Variants in DEDD2 observed in about 807,000 individuals in gnomAD.
The protein encoded by DEDD2 is DNA-binding death effector domain-containing protein 2.
Under a neutral mutation model 28.9 loss-of-function variants are expected in DEDD2, and 18 were observed. That is an observed-to-expected ratio of 0.62 (90% CI 0.43 to 0.92). DEDD2 has a LOEUF of 0.92. Among genes scored for constraint, DEDD2 ranks in the 40% least tolerant of loss-of-function variants. The pLI, the probability that DEDD2 is intolerant of heterozygous loss-of-function variation, is 0.00. For missense variants in DEDD2, 411 were observed against 463.3 expected, an observed-to-expected ratio of 0.89 and a Z score of 1.04; for synonymous variants, 211 against 206.1, an observed-to-expected ratio of 1.02 and a Z score of -0.20.
At chr19:42,212,623 C>A (rs1318982294) in intron 3 of DEDD2, among the ~76,000 whole-genome samples, 1 of 151,974 alleles carries the variant, frequency 6.6e-6, no homozygotes, top group East Asian at 2.0e-4. Context: ...CATCACCATG[C>A]CAGGCTAATT....
At chr19:42,200,451 C>A (rs2035286312) in intron 4 of DEDD2, among the ~76,000 whole-genome samples, 2 of 152,260 alleles carry the variant, frequency 1.3e-5, no homozygotes, top group Non-Finnish European at 2.9e-5. Context: ...ACCCTGCCCC[C>A]AAACAATGAG....
At chr19:42,219,580 C>T (rs980488389), upstream of DEDD2, among the ~76,000 whole-genome samples, 1 of 152,174 alleles carries the variant, frequency 6.6e-6, no homozygotes, top group Non-Finnish European at 1.5e-5. Flanking sequence ...CCAGTCTGGG[C>T]GACAGAGTGA....
chr19:42,210,124 G>A (rs1280573474), intron 3 of DEDD2, among the ~76,000 whole-genome samples: 2 of 152,052 alleles, frequency 1.3e-5, no homozygotes, highest in South Asian at 2.1e-4. Flanking sequence ...CACGACAACC[G>A]CCACCAGGGC....
intron 4 of DEDD2, among the ~76,000 whole-genome samples, chr19:42,207,338 G>A (rs570663021): frequency 1.3e-5 from 2 of 152,290 alleles, no homozygotes; most frequent in African/African-American, 2.4e-5. Flanking sequence ...TTGTGGGCTG[G>A]AGAAAGCTCT....
intron 2 of DEDD2, among the ~76,000 whole-genome samples, chr19:42,215,907 T>C (rs1019407974): frequency 6.6e-6 from 1 of 152,212 alleles, no homozygotes; most frequent in Non-Finnish European, 1.5e-5. Context: ...TAGGTTTGAA[T>C]CCTGGCTCCC....
chr19:42,213,589 A>G (rs1329706131), intron 3 of DEDD2, among the ~76,000 whole-genome samples: 1 of 152,238 alleles, frequency 6.6e-6, no homozygotes, highest in Admixed American at 6.5e-5. Flanking sequence ...CTAAAGATGT[A>G]TAAACTGAAT....
chr19:42,216,824 C>G lies in DEDD2; in HGVS notation c.184G>C (p.Ala62Pro). Residue 62 changes from alanine (A) to proline (P), a missense_variant, in exon 2 of 5, where the codon GCC becomes CCC. By Grantham distance (27) the Ala-to-Pro change is conservative. Around this residue, in one of 2 missense-constraint regions of DEDD2, gnomAD observed 282 missense variants for 273.4 expected, o/e 1.03. Transcript: ENST00000596251. ...AGCAGGAGCTCTAGGCCGCTGCGGG[C>G]CCGGGCTAAGCCTCCGGCGGCGCCA... ...APGAAGGLAR[A>P]RSGLELLLEL... is the part of the protein sequence containing the mutation. The G allele has an allele frequency of 6.9e-6, 11 of 1,583,710 alleles. No individual in the cohort carries two copies. Among genetic ancestry groups the G allele is most frequent in the Non-Finnish European group, 9.4e-6 (11 of 1,165,352 alleles).
Position 42,199,496 on chromosome 19 carries a change from C to CG in DEDD2, c.922dup (p.Arg308ProfsTer27). On this transcript the variant is annotated frameshift_variant, in exon 5 of 5. Transcript: ENST00000596251. LOFTEE classifies it high-confidence loss of function. The surrounding 1 kb of genome is among the most constrained non-coding windows in gnomAD (Gnocchi z 7.4). ...CTCCTCCATCAGCAACAGGCGGCGC[C>CG]GGCCAGCCTCATAGTCAGCCTCATC... The CG allele has an allele frequency of 6.2e-7, 1 of 1,613,246 alleles. No homozygotes were observed. The highest frequency in any genetic ancestry group is 8.5e-7 in the Non-Finnish European group (1 of 1,179,712).
At chr19:42,200,791 C>T (rs781313924) in intron 4 of DEDD2, among the ~76,000 whole-genome samples, 97 of 152,286 alleles carry the variant, frequency 6.4e-4, no homozygotes, top group South Asian at 2.5e-3. Flanking sequence ...CAGTTTGAGT[C>T]GGTTTCTGTC....
intron 4 of DEDD2, among the ~76,000 whole-genome samples, chr19:42,206,836 T>G (rs2035553271): frequency 6.6e-6 from 1 of 152,166 alleles, no homozygotes; most frequent in African/African-American, 2.4e-5. Context: ...TCCTTCCACC[T>G]CTGGCATTCG....
chr19:42,201,529 G>A (rs557930438), intron 4 of DEDD2, among the ~76,000 whole-genome samples: 1 of 152,362 alleles, frequency 6.6e-6, no homozygotes, highest in East Asian at 1.9e-4. Context: ...GTGGGGCAGA[G>A]GCCACCTTCA....
chr19:42,202,102 C>G (rs1444920619), intron 4 of DEDD2: 2 of 398,584 alleles, frequency 5.0e-6, no homozygotes, highest in Non-Finnish European at 8.8e-6. Context: ...GAGGTCCCTG[C>G]TGCACATTGA....
chr19:42,209,245 A>C (rs555355478), intron 4 of DEDD2, among the ~76,000 whole-genome samples: 1 of 152,192 alleles, frequency 6.6e-6, no homozygotes, highest in South Asian at 2.1e-4. Context: ...CGTCTCAAAA[A>C]AAAAAGAAAA....
upstream of DEDD2, among the ~76,000 whole-genome samples, chr19:42,217,995 C>G (rs144558351): frequency 6.6e-6 from 1 of 152,212 alleles, no homozygotes; most frequent in Non-Finnish European, 1.5e-5. Flanking sequence ...GTTGTAACTA[C>G]TCATCTCATA....
intron 4 of DEDD2, among the ~76,000 whole-genome samples, chr19:42,207,308 A>G (rs1306230294): frequency 6.6e-6 from 1 of 152,158 alleles, no homozygotes; most frequent in Non-Finnish European, 1.5e-5. Flanking sequence ...GGGCACTAGG[A>G]GGGGGCAGGT....
rs901943593 is a variant in DEDD2 at position 42,217,043 on chromosome 19, G to A, written c.-36C>T. The stretch of plus-strand genomic sequence containing the variant: ...GGGAGGCGGAACAAGCTCAGAACCC[G>A]GCCTAGAACCCACACAGCGGGGAGG... On this transcript the variant is annotated splice_region_variant and 5_prime_UTR_variant, in exon 2 of 5. Coordinates refer to ENST00000596251, the MANE Select transcript of DEDD2 (RefSeq NM_133328.4). 9 of 1,550,752 alleles carry A rather than the reference G, an allele frequency of 5.8e-6. No homozygotes were observed. The African/African-American group carries it at 8.2e-5, about 14-fold the overall frequency.
chr19:42,200,792 G>T (rs143475378), intron 4 of DEDD2, among the ~76,000 whole-genome samples: 17 of 152,180 alleles, frequency 1.1e-4, no homozygotes, highest in Non-Finnish European at 2.2e-4. Flanking sequence ...AGTTTGAGTC[G>T]GTTTCTGTCA....
chr19:42,209,260 A>AGAAAC (rs1327247563), intron 4 of DEDD2, among the ~76,000 whole-genome samples: 1 of 151,822 alleles, frequency 6.6e-6, no homozygotes, highest in Non-Finnish European at 1.5e-5. Flanking sequence ...AGAAAAGAAA[A>AGAAAC]GAAACGAAAC....
intron 2 of DEDD2, among the ~76,000 whole-genome samples, chr19:42,216,223 A>T (rs1487357172): frequency 2.0e-5 from 3 of 152,140 alleles, no homozygotes; most frequent in Non-Finnish European, 4.4e-5. Flanking sequence ...GATTGCCCCC[A>T]CTAAACTTAA....
Sources: gnomAD v4.1 joint callset for allele counts (sites outside exome capture counted in the v4.1 genomes callset) on GRCh38, gnomAD v4.1.1 for gene constraint, gnomAD v4.1.1 regional missense constraint, Gnocchi (gnomAD v3.1) non-coding constraint, MANE v1.5 for transcripts, NCBI Gene and HGNC (gene_info 2026-07-23, HGNC 2026-07-21) for gene names.